The following LAMA1 variants were observed in gnomAD, a reference collection of about 807,000 sequenced individuals.
LAMA1 encodes laminin subunit alpha-1.
A neutral mutation model predicts 348.7 loss-of-function variants in LAMA1; 219 were observed. That is an observed-to-expected ratio of 0.63 (90% CI 0.56 to 0.70). The LOEUF (loss-of-function observed/expected upper bound fraction) is 0.70, where lower values mean the gene tolerates loss of function less well. Among genes scored for constraint, LAMA1 ranks in the 30% least tolerant of loss-of-function variants. LAMA1 has a pLI of 0.00. For synonymous variants in LAMA1, 1,487 were observed against 1,491.0 expected (o/e 1.00, Z 0.06); for missense variants, 3,744 against 3,888.0 (o/e 0.96, Z 0.99).
intron 3 of LAMA1, among the ~76,000 whole-genome samples, chr18:7,078,015 G>A (rs1308224168): frequency 7.5e-6 from 1 of 132,792 alleles, no homozygotes; most frequent in African/African-American, 2.9e-5. Context: ...AGTGAGCCAA[G>A]ATCCAGCCAC....
chr18:7,023,349 G>C lies in LAMA1; in HGVS notation c.2516C>G (p.Pro839Arg). The change falls in exon 19 of 63, where the codon CCA (proline) becomes CGA (arginine). Residue 839 changes from proline to arginine, a missense_variant. Pro to Arg is a moderately radical substitution (Grantham distance 103). Transcript: ENST00000389658. ...ERCADGYYGN[P>R]TVPGESCVPC... Reference sequence around the variant, plus strand: ...AACACAAGATTCGCCAGGCACTGTTGGGTTTCCATAGTAACCATCTGCACA... The same window carrying C: ...AACACAAGATTCGCCAGGCACTGTTCGGTTTCCATAGTAACCATCTGCACA... 6.2e-7 allele frequency: 1 copy of C among 1,614,110 alleles called. No individual in the cohort carries two copies. Among genetic ancestry groups the C allele is most frequent in the Non-Finnish European group, 8.5e-7 (1 of 1,180,024 alleles).
chr18:6,941,969 C>G lies in LAMA1; in HGVS notation c.*110G>C. On this transcript the variant is annotated 3_prime_UTR_variant, in exon 63 of 63. Transcript: ENST00000389658. The stretch of plus-strand genomic sequence containing the variant: ...TAAACACAACATCTCTCCCCAGAAA[C>G]ACTTAACCTGAGTTGGAAATGAAAT... 1 of 1,388,618 alleles carries G rather than the reference C, an allele frequency of 7.2e-7. No individual in the cohort carries two copies. The highest frequency in any genetic ancestry group is 1.0e-6 in the Non-Finnish European group (1 of 985,418). 86.0% of individuals were successfully genotyped at this position (1,388,618 alleles called of 1,614,324 possible).
rs111241590 is a variant in LAMA1, at chr18:7,085,511, C to T, written c.62-5054G>A. On this transcript the variant is annotated intron_variant, in intron 1 of 62. Coordinates refer to ENST00000389658, the MANE Select transcript of LAMA1 (RefSeq NM_005559.4). ...TCCGCTCACTGCAAGCTCCACCTCC[C>T]GGGTTCATGCCATTCTCCTGTCTCA... 2.1e-3 allele frequency among the ~76,000 whole-genome samples: 320 copies of T among 150,428 alleles called. 1 individual carries two copies. The highest frequency in any genetic ancestry group is 4.9e-3 in the East Asian group (25 of 5,074).
rs923766031 is a variant in LAMA1 at position 6,968,865 on chromosome 18, G to A, written c.6900-2568C>T. On this transcript the variant is annotated intron_variant, in intron 48 of 62. Coordinates refer to ENST00000389658, the MANE Select transcript of LAMA1 (RefSeq NM_005559.4). ...ATTTTTTAAAAATTTAGAGGACATCGATGGGCTACACTAATGATTTAATAA... is the reference window on the plus strand; with the variant it reads ...ATTTTTTAAAAATTTAGAGGACATCAATGGGCTACACTAATGATTTAATAA... Among the ~76,000 whole-genome samples the A allele has an allele frequency of 1.1e-4, 16 of 152,238 alleles. No homozygotes were observed. In the East Asian group the frequency reaches 2.1e-3, roughly 20 times the overall value.
At position 7,113,658 on chromosome 18, in the gene LAMA1, T is replaced by G. The variant is rs548755098; in HGVS notation, c.61+4002A>C. ...TCTAGAAACATCACAGTGATGGCAC[T>G]GCTGAGGAGGGAGAACAGGTGAGGC... On this transcript the variant is annotated intron_variant, in intron 1 of 62. Transcript: ENST00000389658. Among the ~76,000 whole-genome samples the G allele has an allele frequency of 2.6e-5, 4 of 152,258 alleles. No homozygotes were observed. The East Asian group carries it at 7.7e-4, about 29-fold the overall frequency.
intron 27 of LAMA1, among the ~76,000 whole-genome samples, chr18:7,008,892 A>C (rs997130535): frequency 1.1e-4 from 17 of 152,216 alleles, no homozygotes; most frequent in Admixed American, 9.8e-4. Flanking sequence ...TTTTGGGCTA[A>C]AGTATGAGAT....
Position 7,033,001 on chromosome 18 carries a change from T to G in LAMA1, c.2146A>C (p.Thr716Pro). 5.0e-6 allele frequency: 8 copies of G among 1,610,364 alleles called. No individual in the cohort carries two copies. The highest frequency in any genetic ancestry group is 6.8e-6 in the Non-Finnish European group (8 of 1,178,228). Reference protein sequence around the residue: ...VEHCECPQGYTGTSCESCLSG... With the variant: ...VEHCECPQGYPGTSCESCLSG... Reference sequence around the variant, plus strand: ...AGCGTCACCTCACAGGAGGTCCCTGTGTAGCCTTGCGGACATTCACAGTGC... The same window carrying G: ...AGCGTCACCTCACAGGAGGTCCCTGGGTAGCCTTGCGGACATTCACAGTGC... Residue 716 changes from threonine to proline, a missense_variant, in exon 15 of 63, where the codon ACA (threonine) becomes CCA (proline). Coordinates refer to ENST00000389658, the MANE Select transcript of LAMA1 (RefSeq NM_005559.4).
rs753883650 is a variant in LAMA1 at position 6,985,335 on chromosome 18, G to A, written c.5562C>T (p.Asp1854=). The change falls in exon 39 of 63, where the codon GAC becomes GAT. Residue 1854 remains aspartate (D), a synonymous_variant. Coordinates refer to ENST00000389658, the MANE Select transcript of LAMA1 (RefSeq NM_005559.4). ...WSAKIRHHID[D]LVMHMSQRNA... ...TCCTTTGGGACATGTGCATGACCAG[G>A]TCATCTATGTGGTGCCTGATTTTGG... 1.2e-6 allele frequency: 2 copies of A among 1,614,216 alleles called. No homozygotes were observed. Among genetic ancestry groups the A allele is most frequent in the South Asian group, 2.2e-5 (2 of 91,084 alleles).
At position 7,046,154 on chromosome 18, in the gene LAMA1, CTG is replaced by C. The variant is rs2058041159; in HGVS notation, c.858+122_858+123del. On this transcript the variant is annotated intron_variant, in intron 6 of 62. Transcript: ENST00000389658. ...TGACACAAGTTAAATTTCTGAAAAT[CTG>C]TTTTTTTGGAGCATAATTTTATACC... 6.3e-6 allele frequency: 4 copies of C among 634,364 alleles called. No homozygotes were observed. In the South Asian group the frequency reaches 7.8e-5, roughly 12 times the overall value. The allele number at this position is 634,364 out of a possible 1,614,324, so 39.3% of individuals were successfully genotyped here.
At chr18:6,999,728 A>C in intron 31 of LAMA1, 90 bp from the exon 32 acceptor site, 1 of 1,274,244 alleles carries the variant, frequency 7.8e-7, no homozygotes, top group Non-Finnish European at 1.1e-6. Context: ...AATGAAATGC[A>C]AAGCACAGAT....
At chr18:6,966,107 G>A in intron 49 of LAMA1, 40 bp downstream of exon 49, 1 of 1,608,170 alleles carries the variant, frequency 6.2e-7, no homozygotes, top group South Asian at 1.1e-5. Context: ...ATCTAAATGT[G>A]TGTATACAGT....
chr18:7,108,277 T>A (rs141423570), intron 1 of LAMA1, among the ~76,000 whole-genome samples: 2,249 of 151,270 alleles, frequency 0.015, 56 homozygotes, highest in African/African-American at 0.051. Context: ...CAGAGGTTTC[T>A]GTGAGCCGAG....
At chr18:7,087,902 T>C (rs1356710135) in intron 1 of LAMA1, among the ~76,000 whole-genome samples, 1 of 152,116 alleles carries the variant, frequency 6.6e-6, no homozygotes, top group Non-Finnish European at 1.5e-5. Flanking sequence ...TTTCATACAA[T>C]GTATTAAGAT....
In LAMA1 at chr18:7,011,413, C is replaced by T. The variant is rs368852040; in HGVS notation, c.3574G>A (p.Glu1192Lys). 1.8e-5 allele frequency: 29 copies of T among 1,609,368 alleles called. No individual in the cohort carries two copies. Among genetic ancestry groups the T allele is most frequent in the Admixed American group, 3.4e-5 (2 of 59,354 alleles). ...TCGGGGGCCTGGTAGTAAACCCCCT[C>T]GGTCGTGCCCCTCAAGTTACTCTGA... is the stretch of plus-strand genomic sequence containing the variant. Reference protein sequence around the residue: ...VSQSNLRGTTEGVYYQAPDFL... With the variant: ...VSQSNLRGTTKGVYYQAPDFL... The change falls in exon 25 of 63, where the codon GAG (glutamate) becomes AAG (lysine). Residue 1192 changes from glutamate to lysine, a missense_variant. Transcript: ENST00000389658.
At chr18:6,966,080 T>C (rs976656477) in intron 49 of LAMA1, 67 bp downstream of exon 49, 4 of 1,568,600 alleles carry the variant, frequency 2.6e-6, no homozygotes, top group Non-Finnish European at 8.8e-7. Flanking sequence ...TCATTAAACA[T>C]AAACAACCAC....
At chr18:7,065,216 G>C (rs1263896102) in intron 3 of LAMA1, among the ~76,000 whole-genome samples, 1 of 126,312 alleles carries the variant, frequency 7.9e-6, no homozygotes, top group Non-Finnish European at 1.6e-5. Context: ...CTGGGTGACA[G>C]AGTGAGACTC....
intron 1 of LAMA1, among the ~76,000 whole-genome samples, chr18:7,107,477 T>G (rs1374118888): frequency 6.6e-6 from 1 of 152,066 alleles, no homozygotes; most frequent in African/African-American, 2.4e-5. Flanking sequence ...ACAAATACAC[T>G]AAGAATGCCA....
At chr18:7,019,132 C>T (rs565920745) in intron 19 of LAMA1, among the ~76,000 whole-genome samples, 5 of 152,122 alleles carry the variant, frequency 3.3e-5, no homozygotes, top group Admixed American at 1.3e-4. Context: ...CTGGCACGTC[C>T]GTCCAATCCA....
At chr18:7,080,595 T>C (rs1232582601) in intron 1 of LAMA1, 138 bp from the exon 2 acceptor site, 15 of 885,066 alleles carry the variant, frequency 1.7e-5, no homozygotes, top group Middle Eastern at 2.2e-4. Context: ...ACAAACACCG[T>C]ATACGCAGCA....
Sources: allele counts gnomAD v4.1 joint callset (sites outside exome capture counted in the v4.1 genomes callset), GRCh38; gene constraint gnomAD v4.1.1; transcripts MANE v1.5; gene names NCBI Gene and HGNC (gene_info 2026-07-23, HGNC 2026-07-21).